PIEZO1: variants seen among roughly 807,000 people sequenced by gnomAD.
PIEZO1 encodes piezo type mechanosensitive ion channel component 1 (Er blood group), also known as piezo-type mechanosensitive ion channel component 1.
A neutral mutation model predicts 297.2 loss-of-function variants in PIEZO1; 296 were observed. The ratio of observed to expected loss-of-function variants is 1.00; its 90% CI spans 0.91 to 1.10. The LOEUF (loss-of-function observed/expected upper bound fraction) is 1.10, where lower values mean the gene tolerates loss of function less well. PIEZO1 is among the 50% of genes least tolerant of loss of function. The probability of loss-of-function intolerance (pLI) is 0.00; values close to 1 mark genes in which losing one functional copy is unlikely to be tolerated. For missense variants in PIEZO1, 5,018 were observed against 3,455.5 expected (o/e 1.45, Z -11.34); for synonymous variants, 2,427 against 1,507.5 (o/e 1.61, Z -14.13).
At position 88,715,785 on chromosome 16, in the gene PIEZO1, G is replaced by A. The variant is rs574227772; in HGVS notation, c.7386C>T (p.Ile2462=). The part of the protein sequence containing the change: ...GKFVRGFFSE[I]SHSIMFEELP... ...GCTCCTCGAACATAATGGAGTGCGAGATCTCGCTGAAGAATCCGCGCACGA... is the reference window on the plus strand; with the variant it reads ...GCTCCTCGAACATAATGGAGTGCGAAATCTCGCTGAAGAATCCGCGCACGA... Residue 2462 remains isoleucine (I), a synonymous_variant, in exon 51 of 51, where the codon ATC becomes ATT. Transcript: ENST00000301015. The A allele has an allele frequency of 2.3e-5, 35 of 1,550,352 alleles. No homozygotes were observed. In the African/African-American group the frequency reaches 4.6e-4, roughly 21 times the overall value.
At position 88,727,171 on chromosome 16, in the gene PIEZO1, C is replaced by CACAGCAGCAGGAGAA; in HGVS notation, c.3308_3322dup (p.Phe1103_Leu1107dup). The CACAGCAGCAGGAGAA allele has an allele frequency of 6.5e-7, 1 of 1,544,680 alleles. No homozygotes were observed. The highest frequency in any genetic ancestry group is 8.7e-7 in the Non-Finnish European group (1 of 1,143,336). ...GAACACCTGCCACTGCTGGGAGGCG[C>CACAGCAGCAGGAGAA]ACAGCAGCAGGAGAAAGTCGCCTGC... is the stretch of plus-strand genomic sequence containing the variant. On this transcript the variant is annotated inframe_insertion, in exon 24 of 51. Transcript: ENST00000301015.
intron 2 of PIEZO1, 72 bp from the exon 3 acceptor site, chr16:88,742,494 A>T: frequency 6.8e-7 from 1 of 1,473,776 alleles, no homozygotes; most frequent in Non-Finnish European, 9.1e-7. Flanking sequence ...GCTCAGCCGG[A>T]CAATAGCCCC....
chr16:88,715,771 A>G lies in PIEZO1; in HGVS notation c.7400T>C (p.Met2467Thr), dbSNP rs922550263. 4.5e-6 allele frequency: 7 copies of G among 1,550,390 alleles called. No homozygotes were observed. In the African/African-American group the frequency reaches 5.5e-5, roughly 12 times the overall value. The change falls in exon 51 of 51, where the codon ATG becomes ACG. Residue 2467 changes from methionine (M) to threonine (T), a missense_variant. Physicochemically the swap from Met to Thr is moderately conservative, Grantham distance 81. Transcript: ENST00000301015. The part of the protein sequence containing the change: ...GFFSEISHSI[M>T]FEELPCVDRI... ...GTCCACGCACGGCAGCTCCTCGAAC[A>G]TAATGGAGTGCGAGATCTCGCTGAA...
Position 88,726,587 on chromosome 16 carries a change from C to A in PIEZO1, c.3756G>T (p.Gln1252His). The change falls in exon 26 of 51, where the codon CAG becomes CAT. Residue 1252 changes from glutamine to histidine, a missense_variant. Gln to His is a conservative substitution (Grantham distance 24). Transcript: ENST00000301015. ...QMQTGFCWVI[Q>H]LFSLVCTVKG... ...TGACGGTGCATACAAGGCTGAAGAGCTGGATGACCCAGCAGAAGCCGGTCT... is the reference window on the plus strand; with the variant it reads ...TGACGGTGCATACAAGGCTGAAGAGATGGATGACCCAGCAGAAGCCGGTCT... 1.3e-6 allele frequency: 2 copies of A among 1,549,708 alleles called. No individual in the cohort carries two copies. Among genetic ancestry groups the A allele is most frequent in the Non-Finnish European group, 1.7e-6 (2 of 1,146,726 alleles).
At chr16:88,733,089 G>A in intron 19 of PIEZO1, 189 bp downstream of exon 19, 1 of 614,510 alleles carries the variant, frequency 1.6e-6, no homozygotes, top group African/African-American at 1.8e-5. Context: ...TGTGCAGGGA[G>A]TGCGCCCCTG....
chr16:88,745,397 G>A (rs1905985064), intron 2 of PIEZO1: 1 of 152,284 alleles, frequency 6.6e-6, no homozygotes, highest in Non-Finnish European at 1.5e-5. Flanking sequence ...CATGGGGAAT[G>A]GACTATTCTT....
chr16:88,717,681 G>C lies in PIEZO1; in HGVS notation c.6472-470C>G, dbSNP rs116172239. 605 of 437,452 alleles carry C rather than the reference G, an allele frequency of 1.4e-3. 2 individuals are homozygous for C. The highest frequency in any genetic ancestry group is 0.012 in the African/African-American group (568 of 49,126). The allele number at this position is 437,452 out of a possible 1,614,324, so 27.1% of individuals were successfully genotyped here. A position where few individuals can be genotyped will look rare whatever the true frequency, so the allele number is the denominator to read the frequency against. ...AAAATAAATACTTTGTGCTTCCAAA[G>C]ACACCAAGAAAATTTAAGAGACAGT... On this transcript the variant is annotated intron_variant, in intron 44 of 50. Coordinates refer to ENST00000301015, the MANE Select transcript of PIEZO1 (RefSeq NM_001142864.4).
Position 88,719,949 on chromosome 16 carries a change from T to C in PIEZO1, c.6176A>G (p.Gln2059Arg). ...GTACCAGAGCTGGGCCACCACATTC[T>C]GGTTGAACATCCTGGGGCGGGATGG... is the stretch of plus-strand genomic sequence containing the variant. Reference protein sequence around the residue: ...LPAVTERMFNQNVVAQLWYFV... With the variant: ...LPAVTERMFNRNVVAQLWYFV... The change falls in exon 43 of 51, where the codon CAG (glutamine) becomes CGG (arginine). Residue 2059 changes from glutamine to arginine, a missense_variant. Transcript: ENST00000301015. 6.5e-7 allele frequency: 1 copy of C among 1,550,286 alleles called. No homozygotes were observed. The highest frequency in any genetic ancestry group is 2.4e-5 in the East Asian group (1 of 40,916).
chr16:88,734,213 T>A, intron 16 of PIEZO1, 143 bp downstream of exon 16: 1 of 1,174,056 alleles, frequency 8.5e-7, no homozygotes, highest in Non-Finnish European at 1.2e-6. Context: ...ACCTCCACGC[T>A]ACTGCCATCC....
intron 29 of PIEZO1, 150 bp downstream of exon 29, chr16:88,725,266 G>A (rs1223725395): frequency 1.2e-5 from 8 of 684,856 alleles, no homozygotes; most frequent in Admixed American, 3.2e-5. Flanking sequence ...GGGCGGCCAT[G>A]GGGCCTGCCA....
intron 22 of PIEZO1, among the ~76,000 whole-genome samples, chr16:88,730,116 C>T (rs1054420953): frequency 1.3e-5 from 2 of 152,250 alleles, no homozygotes; most frequent in Non-Finnish European, 2.9e-5. Context: ...GATGTTTCAA[C>T]AAGGAAGAGC....
chr16:88,716,926 A>C, intron 45 of PIEZO1, 28 bp from the exon 46 acceptor site: 1 of 1,548,674 alleles, frequency 6.5e-7, no homozygotes, highest in South Asian at 1.2e-5. Flanking sequence ...ACACGGGGCC[A>C]CGAAGATGAG....
intron 1 of PIEZO1, among the ~76,000 whole-genome samples, chr16:88,766,075 G>T (rs1907164259): frequency 6.6e-6 from 1 of 152,236 alleles, no homozygotes; most frequent in Admixed American, 6.5e-5. Context: ...CAGCGTGGGT[G>T]CCGTGGTCAC....
chr16:88,751,098 T>C (rs1906366469), intron 1 of PIEZO1, among the ~76,000 whole-genome samples: 1 of 151,922 alleles, frequency 6.6e-6, no homozygotes, highest in Non-Finnish European at 1.5e-5. Context: ...CCCCGGGAAG[T>C]CTTCTGGAGG....
intron 34 of PIEZO1, 28 bp from the exon 35 acceptor site, chr16:88,722,717 C>T: frequency 1.3e-6 from 2 of 1,532,578 alleles, no homozygotes; most frequent in Non-Finnish European, 1.8e-6. Context: ...GGGCTCAGGG[C>T]TGCGTCCAGC....
intron 30 of PIEZO1, 67 bp from the exon 31 acceptor site, chr16:88,724,038 C>G (rs1356719158): frequency 1.0e-6 from 1 of 979,360 alleles, no homozygotes; most frequent in African/African-American, 1.6e-5. Flanking sequence ...CCCCCTCCGC[C>G]TGCATGGGCC....
chr16:88,738,273 T>C lies in PIEZO1; in HGVS notation c.802A>G (p.Met268Val). ...GGGAGCAGAGCCTGTGCCAAGGGCA[T>C]CTGGTAGCAGTAGAGGCAGATGAGA... ...GHLICLYCYQ[M>V]PLAQALLPPA... is the part of the protein sequence containing the mutation. The change falls in exon 7 of 51, where the codon ATG becomes GTG. Residue 268 changes from methionine (M) to valine (V), a missense_variant. Coordinates refer to ENST00000301015, the MANE Select transcript of PIEZO1 (RefSeq NM_001142864.4). 2 of 1,535,830 alleles carry C rather than the reference T, an allele frequency of 1.3e-6. No homozygotes were observed. Among genetic ancestry groups the C allele is most frequent in the Non-Finnish European group, 1.7e-6 (2 of 1,146,858 alleles).
chr16:88,723,741 G>C, intron 31 of PIEZO1, 130 bp downstream of exon 31: 2 of 626,698 alleles, frequency 3.2e-6, no homozygotes, highest in Middle Eastern at 3.9e-4. Flanking sequence ...GATGGGGCGG[G>C]GTGGGCTAAC....
In PIEZO1 at chr16:88,732,712, G is replaced by C. The variant is rs533555270; in HGVS notation, c.2685C>G (p.Asn895Lys). 6.5e-7 allele frequency: 1 copy of C among 1,548,072 alleles called. No homozygotes were observed. The part of the protein sequence containing the change: ...NCTEPFPNST[N>K]LLPTEISQSL... ...ACTGGCTGATCTCCGTGGGCAGCAA[G>C]TTGGTGCTGTTGGGGAAGGGCTGGC... Residue 895 changes from asparagine to lysine, a missense_variant, in exon 20 of 51, where the codon AAC becomes AAG. Transcript: ENST00000301015.
Sources: gnomAD v4.1 joint callset for allele counts (sites outside exome capture counted in the v4.1 genomes callset) on GRCh38, gnomAD v4.1.1 for gene constraint, MANE v1.5 for transcripts, NCBI Gene and HGNC (gene_info 2026-07-23, HGNC 2026-07-21) for gene names.